LCOR: variants seen among roughly 807,000 people sequenced by gnomAD.
LCOR encodes ligand-dependent corepressor.
A neutral mutation model predicts 64.4 loss-of-function variants in LCOR; 14 were observed. The ratio of observed to expected loss-of-function variants is 0.22; its 90% CI spans 0.14 to 0.34. The LOEUF is 0.34. Ranked by LOEUF, LCOR falls within the 10% of genes least tolerant of loss-of-function variation. The pLI is 1.00. For missense variants in LCOR, 1,686 were observed against 1,765.3 expected (o/e 0.96, Z 0.80); for synonymous variants, 643 against 642.5 (o/e 1.00, Z -0.01).
intron 2 of LCOR, among the ~76,000 whole-genome samples, chr10:96,847,992 A>G (rs533290958): frequency 6.6e-6 from 1 of 152,332 alleles, no homozygotes; most frequent in South Asian, 2.1e-4. Flanking sequence ...AAATGGTTGA[A>G]AAGTGTTTGT....
At chr10:96,846,071 G>C (rs1845624021) in intron 2 of LCOR, among the ~76,000 whole-genome samples, 1 of 151,920 alleles carries the variant, frequency 6.6e-6, no homozygotes, top group African/African-American at 2.4e-5. Flanking sequence ...GCTGGGCATG[G>C]TGGTGTACAG....
chr10:96,944,505 C>T (rs1450255170), intron 5 of LCOR, among the ~76,000 whole-genome samples: 1 of 151,456 alleles, frequency 6.6e-6, no homozygotes, highest in African/African-American at 2.4e-5. Flanking sequence ...AAATTTTAAG[C>T]TCTCAGTAGT....
At chr10:96,847,406 T>TTTTTTTTA (rs571694876) in intron 2 of LCOR, among the ~76,000 whole-genome samples, 5 of 150,842 alleles carry the variant, frequency 3.3e-5, no homozygotes, top group African/African-American at 1.2e-4. Flanking sequence ...GTCAAGAGTA[T>TTTTTTTTA]TTTATTTATT....
chr10:96,957,790 C>T (rs916269314), intron 7 of LCOR: 2 of 985,428 alleles, frequency 2.0e-6, no homozygotes, highest in African/African-American at 3.5e-5. Context: ...ACTGCTCATT[C>T]TTGACATAGC....
rs770372307 is a variant in LCOR at position 96,985,295 on chromosome 10, G to A, written c.*161G>A. ...CAGAAAATGCATCTCAGATGGAGAA[G>A]GGAACTTGCAGAGTCCTTCTCTGAG... On this transcript the variant is annotated 3_prime_UTR_variant, in exon 8 of 8. Coordinates refer to ENST00000421806, the MANE Select transcript of LCOR (RefSeq NM_001346516.2). 5.8e-6 allele frequency: 5 copies of A among 868,202 alleles called. No individual in the cohort carries two copies. Among genetic ancestry groups the A allele is most frequent in the Non-Finnish European group, 8.2e-6 (5 of 606,258 alleles). The allele number at this position is 868,202 out of a possible 1,614,324, so 53.8% of individuals were successfully genotyped here. A position where few individuals can be genotyped will look rare whatever the true frequency, so the allele number is the denominator to read the frequency against.
chr10:96,832,666 T>G (rs1382592279), intron 1 of LCOR, among the ~76,000 whole-genome samples: 1 of 140,994 alleles, frequency 7.1e-6, no homozygotes, highest in Non-Finnish European at 1.5e-5. Flanking sequence ...TTCCTCCCCC[T>G]CCCGCTCTCC....
chr10:96,946,587 G>C (rs1225307571), intron 5 of LCOR, among the ~76,000 whole-genome samples: 1 of 152,062 alleles, frequency 6.6e-6, no homozygotes, highest in Non-Finnish European at 1.5e-5. Flanking sequence ...ATTTGACTCA[G>C]TTGTGCTGTG....
chr10:96,882,735 C>T (rs1160753964), intron 2 of LCOR, among the ~76,000 whole-genome samples: 1 of 152,166 alleles, frequency 6.6e-6, no homozygotes, highest in African/African-American at 2.4e-5. Context: ...GCCTGTTTAT[C>T]CCTCCTCTTG....
intron 2 of LCOR, among the ~76,000 whole-genome samples, chr10:96,897,276 G>T (rs1217475912): frequency 1.3e-5 from 2 of 152,140 alleles, no homozygotes; most frequent in Non-Finnish European, 2.9e-5. Context: ...GTAGTTAGTG[G>T]CTGTATCTGC....
chr10:96,904,756 C>A (rs1487166374), intron 2 of LCOR, among the ~76,000 whole-genome samples: 1 of 152,108 alleles, frequency 6.6e-6, no homozygotes, highest in African/African-American at 2.4e-5. Context: ...TCTGTGATAT[C>A]ATGGTATACA....
chr10:96,833,309 G>A (rs947133895), intron 1 of LCOR, 97 bp from the exon 2 acceptor site: 1 of 952,586 alleles, frequency 1.0e-6, no homozygotes, highest in Non-Finnish European at 1.3e-6. Context: ...TTTTCCCTGC[G>A]GGCCGGAGGG....
At chr10:96,974,637 T>A (rs886218321) in intron 7 of LCOR, among the ~76,000 whole-genome samples, 5 of 152,228 alleles carry the variant, frequency 3.3e-5, no homozygotes, top group African/African-American at 1.2e-4. Context: ...CTGGTTTCCC[T>A]ACTAGCTGCC....
chr10:96,862,737 G>A (rs1025727783), intron 2 of LCOR, among the ~76,000 whole-genome samples: 7 of 152,116 alleles, frequency 4.6e-5, no homozygotes, highest in South Asian at 4.1e-4. Flanking sequence ...GCCAGCCCCC[G>A]TCAACTCATT....
chr10:96,842,328 G>A (rs947412456), intron 2 of LCOR, among the ~76,000 whole-genome samples: 5 of 152,096 alleles, frequency 3.3e-5, no homozygotes, highest in African/African-American at 9.7e-5. Flanking sequence ...CCGGGAGGTG[G>A]AGTTGCAGTG....
intron 4 of LCOR, among the ~76,000 whole-genome samples, chr10:96,923,870 A>G (rs114250334): frequency 0.017 from 2,574 of 152,282 alleles, 65 homozygotes; most frequent in African/African-American, 0.056. Context: ...TATAATACCC[A>G]CAAGCTAAAG....
chr10:96,929,515 T>C (rs182178526), intron 4 of LCOR, among the ~76,000 whole-genome samples: 200 of 152,374 alleles, frequency 1.3e-3, no homozygotes, highest in Non-Finnish European at 2.5e-3. Flanking sequence ...GGATTAGGCT[T>C]TGGCTTAAGA....
intron 2 of LCOR, among the ~76,000 whole-genome samples, chr10:96,852,935 T>C (rs1845744208): frequency 6.6e-6 from 1 of 152,354 alleles, no homozygotes; most frequent in Non-Finnish European, 1.5e-5. Context: ...TTAAAACATC[T>C]AAACTTTGTT....
chr10:96,899,927 G>A (rs565037309), intron 2 of LCOR, among the ~76,000 whole-genome samples: 35 of 152,146 alleles, frequency 2.3e-4, no homozygotes, highest in Admixed American at 2.3e-3. Flanking sequence ...GCTTTATTGA[G>A]ACATAATTTA....
At chr10:96,916,292 A>G (rs759145445) in intron 4 of LCOR, among the ~76,000 whole-genome samples, 2 of 151,958 alleles carry the variant, frequency 1.3e-5, no homozygotes, top group Non-Finnish European at 2.9e-5. Flanking sequence ...CGGCCTCCCA[A>G]AGTGCTGGGA....
Sources: gnomAD v4.1 joint callset for allele counts (sites outside exome capture counted in the v4.1 genomes callset) on GRCh38, gnomAD v4.1.1 for gene constraint, MANE v1.5 for transcripts, NCBI Gene and HGNC (gene_info 2026-07-23, HGNC 2026-07-21) for gene names.